ANO4: variants seen among roughly 807,000 people sequenced by gnomAD.
The protein encoded by ANO4 is anoctamin-4.
In ANO4, 69 loss-of-function variants were observed where a neutral mutation model predicts 141.9. The observed-to-expected ratio is 0.49, with a 90% CI of 0.40 to 0.59. The LOEUF is 0.59. Ranked by LOEUF, ANO4 falls within the 20% of genes least tolerant of loss-of-function variation. ANO4 has a pLI of 0.00. For missense variants in ANO4, 894 were observed against 1,162.2 expected (o/e 0.77, Z 3.36); for synonymous variants, 350 against 394.3 (o/e 0.89, Z 1.33).
intron 3 of ANO4, among the ~76,000 whole-genome samples, chr12:100,775,232 T>C (rs2033457645): frequency 6.6e-6 from 1 of 152,190 alleles, no homozygotes; most frequent in Non-Finnish European, 1.5e-5. Context: ...TACAGAAAAT[T>C]ATTTTTTCAT....
At chr12:100,965,481 G>C (rs1411277457) in intron 5 of ANO4, among the ~76,000 whole-genome samples, 4 of 152,074 alleles carry the variant, frequency 2.6e-5, no homozygotes, top group Non-Finnish European at 5.9e-5. Flanking sequence ...AGTGATCCCT[G>C]CCTGTAACTC....
intron 3 of ANO4, among the ~76,000 whole-genome samples, chr12:100,932,981 A>G (rs555782961): frequency 9.2e-5 from 14 of 152,046 alleles, no homozygotes; most frequent in Non-Finnish European, 1.9e-4. Context: ...AATGCATGGT[A>G]TACACCTACC....
chr12:101,078,352 TGTGTGTGTGTGCCC>T (rs1247498130), intron 14 of ANO4, among the ~76,000 whole-genome samples: 1 of 152,112 alleles, frequency 6.6e-6, no homozygotes, highest in Non-Finnish European at 1.5e-5. Context: ...CATGTGTGTG[TGTGTGTGTGTGCCC>T]CTGTATTTGC....
chr12:100,838,063 T>G (rs997052814), intron 1 of ANO4, among the ~76,000 whole-genome samples: 1 of 151,974 alleles, frequency 6.6e-6, no homozygotes, highest in Non-Finnish European at 1.5e-5. Flanking sequence ...ATAGTGGACT[T>G]GCTGATCCTT....
intron 1 of ANO4, among the ~76,000 whole-genome samples, chr12:100,826,300 G>GGT (rs2036336388): frequency 6.6e-6 from 1 of 151,752 alleles, no homozygotes; most frequent in Non-Finnish European, 1.5e-5. Context: ...GAGAAAAAAA[G>GGT]ATGGAAAATG....
intron 1 of ANO4, among the ~76,000 whole-genome samples, chr12:100,831,859 A>G (rs1301933295): frequency 1.3e-5 from 2 of 152,088 alleles, no homozygotes; most frequent in Non-Finnish European, 2.9e-5. Context: ...GAGTGGGACT[A>G]GATGATTTCT....
intron 8 of ANO4, among the ~76,000 whole-genome samples, chr12:100,997,650 C>T (rs1032713556): frequency 2.0e-5 from 3 of 151,980 alleles, no homozygotes; most frequent in African/African-American, 4.8e-5. Context: ...TAATGGTTGA[C>T]GAATAAACTA....
At chr12:101,050,182 A>G (rs1875767) in intron 14 of ANO4, among the ~76,000 whole-genome samples, 34,490 of 152,088 alleles carry the variant, frequency 0.23, 4,187 homozygotes, top group Non-Finnish European at 0.27. Context: ...AACTGGGAGA[A>G]AATGTAAGAC....
chr12:100,930,271 G>C, intron 3 of ANO4, among the ~76,000 whole-genome samples: 1 of 152,172 alleles, frequency 6.6e-6, no homozygotes, highest in Middle Eastern at 3.4e-3. Flanking sequence ...CAATGTTCTG[G>C]AGAGTTTCTC....
intron 14 of ANO4, among the ~76,000 whole-genome samples, chr12:101,062,731 C>T (rs1219445416): frequency 6.6e-6 from 1 of 152,118 alleles, no homozygotes; most frequent in Non-Finnish European, 1.5e-5. Context: ...GGACACCCCT[C>T]CCCCCACCAA....
At chr12:100,769,090 A>T (rs553974921) in intron 3 of ANO4, among the ~76,000 whole-genome samples, 1 of 152,354 alleles carries the variant, frequency 6.6e-6, no homozygotes, top group South Asian at 2.1e-4. Context: ...ACCTATTTTA[A>T]AAAAACCTAT....
intron 24 of ANO4, 73 bp from the exon 25 acceptor site, chr12:101,116,606 G>A: frequency 3.7e-6 from 6 of 1,605,630 alleles, no homozygotes; most frequent in Non-Finnish European, 5.1e-6. Flanking sequence ...CGTCTGGGAA[G>A]CAGGGTCTTC....
At chr12:101,123,108 G>A (rs977990432) in intron 26 of ANO4, among the ~76,000 whole-genome samples, 5 of 152,040 alleles carry the variant, frequency 3.3e-5, no homozygotes, top group Non-Finnish European at 4.4e-5. Context: ...GTTGCCTCTC[G>A]GCTTGGATCT....
chr12:100,748,625 A>T (rs1054451657), intron 3 of ANO4, among the ~76,000 whole-genome samples: 2 of 152,196 alleles, frequency 1.3e-5, no homozygotes, highest in Non-Finnish European at 2.9e-5. Context: ...CATTCTGACA[A>T]TTTCTTTTAA....
At chr12:100,826,288 T>C (rs535703571) in intron 1 of ANO4, among the ~76,000 whole-genome samples, 22 of 50,128 alleles carry the variant, frequency 4.4e-4, no homozygotes, top group Non-Finnish European at 7.4e-4. Flanking sequence ...GAAGATGGAA[T>C]TGAGAAAAAA....
intron 14 of ANO4, among the ~76,000 whole-genome samples, chr12:101,069,992 T>A (rs2136790954): frequency 6.6e-6 from 1 of 151,930 alleles, no homozygotes; most frequent in East Asian, 1.9e-4. Context: ...AAAATAATCA[T>A]GCTACTAAAA....
chr12:100,743,390 A>C (rs886440232), intron 3 of ANO4, among the ~76,000 whole-genome samples: 1 of 151,926 alleles, frequency 6.6e-6, no homozygotes, highest in African/African-American at 2.4e-5. Context: ...CTTGGAAATG[A>C]TCTCTATCTC....
At chr12:100,899,113 C>T (rs11110578) in intron 1 of ANO4, among the ~76,000 whole-genome samples, 36,009 of 152,090 alleles carry the variant, frequency 0.24, 4,620 homozygotes, top group Middle Eastern at 0.34. Flanking sequence ...CTTGCCTAGG[C>T]ACCTGAGCAT....
chr12:100,835,295 C>T (rs2036849387), intron 1 of ANO4, among the ~76,000 whole-genome samples: 1 of 151,946 alleles, frequency 6.6e-6, no homozygotes, highest in Non-Finnish European at 1.5e-5. Context: ...TTTTTGAATT[C>T]ATTTTGAGTG....
Sources: allele counts gnomAD v4.1 joint callset (sites outside exome capture counted in the v4.1 genomes callset), GRCh38; gene constraint gnomAD v4.1.1; transcripts MANE v1.5; gene names NCBI Gene and HGNC (gene_info 2026-07-23, HGNC 2026-07-21).